CNTNAP2: variants seen among roughly 807,000 people sequenced by gnomAD.
The protein encoded by CNTNAP2 is contactin-associated protein-like 2.
Under a neutral mutation model 155.2 loss-of-function variants are expected in CNTNAP2, and 98 were observed. The observed-to-expected ratio is 0.63, with a 90% CI of 0.54 to 0.75. The LOEUF is 0.75. Among genes scored for constraint, CNTNAP2 ranks in the 30% least tolerant of loss-of-function variants. The probability of loss-of-function intolerance (pLI) is 0.00; values close to 1 mark genes in which losing one functional copy is unlikely to be tolerated. For missense variants in CNTNAP2, 1,727 were observed against 1,688.1 expected, an observed-to-expected ratio of 1.02 and a Z score of -0.40; for synonymous variants, 651 against 631.2, an observed-to-expected ratio of 1.03 and a Z score of -0.47.
chr7:147,425,988 G>A (rs1253380486), intron 10 of CNTNAP2, among the ~76,000 whole-genome samples: 1 of 152,038 alleles, frequency 6.6e-6, no homozygotes, highest in Admixed American at 6.6e-5. Flanking sequence ...AGGATATGTT[G>A]TATAGTTCTA....
intron 1 of CNTNAP2, among the ~76,000 whole-genome samples, chr7:146,332,492 T>C (rs1801203482): frequency 6.6e-6 from 1 of 152,192 alleles, no homozygotes; most frequent in South Asian, 2.1e-4. Flanking sequence ...CCAACTGTTA[T>C]TTTCATTGAA....
rs181447240 is a variant in CNTNAP2, at chr7:146,911,352, C to A, written c.402+71448C>A. 5.3e-5 allele frequency among the ~76,000 whole-genome samples: 8 copies of A among 152,192 alleles called. No individual in the cohort carries two copies. In the East Asian group the frequency reaches 1.5e-3, roughly 29 times the overall value. On this transcript the variant is annotated intron_variant, in intron 3 of 23. Transcript: ENST00000361727. The stretch of plus-strand genomic sequence containing the variant: ...AATCATGCTGCTATAAAGACACATG[C>A]ACACGTATGTTTATCGCGGCATTAT...
chr7:146,839,624 A>G, intron 2 of CNTNAP2, 87 bp from the exon 3 acceptor site: 1 of 1,437,852 alleles, frequency 7.0e-7, no homozygotes, highest in South Asian at 1.2e-5. Flanking sequence ...GCCAAGACCA[A>G]TTAAGATATG....
intron 14 of CNTNAP2, among the ~76,000 whole-genome samples, chr7:147,956,900 T>C (rs899457559): frequency 6.6e-6 from 1 of 152,040 alleles, no homozygotes; most frequent in African/African-American, 2.4e-5. Flanking sequence ...CTAAAGAAAG[T>C]GATAGGGTTG....
chr7:146,636,283 A>T lies in CNTNAP2; in HGVS notation c.98-137988A>T, dbSNP rs566440423. ...CATTTGTCAAAACTTATGGAACTGT[A>T]TGCTAATCACAGTGAATTTTATGGC... On this transcript the variant is annotated intron_variant, in intron 1 of 23. Coordinates refer to ENST00000361727, the MANE Select transcript of CNTNAP2 (RefSeq NM_014141.6). Among the ~76,000 whole-genome samples the T allele has an allele frequency of 5.3e-5, 8 of 152,226 alleles. No homozygotes were observed. The East Asian group carries it at 9.7e-4, about 18-fold the overall frequency.
chr7:147,421,497 C>T (rs1797289783), intron 10 of CNTNAP2, among the ~76,000 whole-genome samples: 1 of 151,108 alleles, frequency 6.6e-6, no homozygotes, highest in Admixed American at 6.6e-5. Flanking sequence ...TGTATTTATC[C>T]ACATTATCTA....
chr7:147,214,416 A>G (rs971608148), intron 8 of CNTNAP2, among the ~76,000 whole-genome samples: 16 of 152,222 alleles, frequency 1.1e-4, no homozygotes, highest in African/African-American at 3.9e-4. Context: ...TCCTTTGTAA[A>G]ATGGAGATAA....
At chr7:146,795,521 A>T (rs1486697731) in intron 2 of CNTNAP2, among the ~76,000 whole-genome samples, 1 of 152,216 alleles carries the variant, frequency 6.6e-6, no homozygotes, top group Non-Finnish European at 1.5e-5. Context: ...AATGTCATGG[A>T]ATGTAACCTT....
At chr7:147,501,164 A>G (rs189980948) in intron 11 of CNTNAP2, among the ~76,000 whole-genome samples, 20 of 152,072 alleles carry the variant, frequency 1.3e-4, no homozygotes, top group Admixed American at 7.9e-4. Flanking sequence ...CAGAAGAAGC[A>G]TTTGACAAAA....
rs143609414 is a variant in CNTNAP2, at chr7:148,296,545, CA to C, written c.3475+29442del. Among the ~76,000 whole-genome samples, 109 of 76,600 alleles carry C rather than the reference CA, an allele frequency of 1.4e-3. No individual in the cohort carries two copies. The East Asian group carries it at 0.032, about 22-fold the overall frequency. 50.3% of individuals were successfully genotyped at this position (76,600 alleles called of 152,430 possible). A position where few individuals can be genotyped will look rare whatever the true frequency, so the allele number is the denominator to read the frequency against. ...TGGGAAACAGAGCAAGACTCTGTCTCAAAAAAAAAAAAAAAAAAAAAAATTA... is the reference window on the plus strand; with the variant it reads ...TGGGAAACAGAGCAAGACTCTGTCTCAAAAAAAAAAAAAAAAAAAAAATTA... On this transcript the variant is annotated intron_variant, in intron 21 of 23. Coordinates refer to ENST00000361727, the MANE Select transcript of CNTNAP2 (RefSeq NM_014141.6).
chr7:148,312,050 A>G (rs1162242020), intron 21 of CNTNAP2, among the ~76,000 whole-genome samples: 1 of 152,162 alleles, frequency 6.6e-6, no homozygotes. Context: ...TAGATCTTGG[A>G]AGTTATGAGA....
chr7:148,200,203 T>C (rs1380700233), intron 18 of CNTNAP2, among the ~76,000 whole-genome samples: 3 of 152,208 alleles, frequency 2.0e-5, no homozygotes, highest in South Asian at 2.1e-4. Flanking sequence ...GCCAGCCACA[T>C]TGACACACGA....
chr7:146,299,518 G>C (rs970756912), intron 1 of CNTNAP2, among the ~76,000 whole-genome samples: 12 of 152,020 alleles, frequency 7.9e-5, no homozygotes. Flanking sequence ...GAATACCTAG[G>C]ACTAAAGGCA....
intron 15 of CNTNAP2, among the ~76,000 whole-genome samples, chr7:148,018,321 T>C (rs1400687537): frequency 6.6e-6 from 1 of 152,232 alleles, no homozygotes; most frequent in East Asian, 1.9e-4. Flanking sequence ...CATAATTTCT[T>C]AATTTCAGTT....
chr7:147,927,376 T>C (rs1800414223), intron 14 of CNTNAP2, among the ~76,000 whole-genome samples: 1 of 152,188 alleles, frequency 6.6e-6, no homozygotes, highest in Non-Finnish European at 1.5e-5. Flanking sequence ...TAAATAGGGT[T>C]CTTTTTAAAG....
intron 3 of CNTNAP2, among the ~76,000 whole-genome samples, chr7:146,882,798 T>C (rs1795579459): frequency 6.6e-6 from 1 of 152,006 alleles, no homozygotes; most frequent in South Asian, 2.1e-4. Flanking sequence ...GAGAACCAAA[T>C]CAAGAATGCG....
intron 21 of CNTNAP2, among the ~76,000 whole-genome samples, chr7:148,271,160 G>A (rs12534432): frequency 0.36 from 54,383 of 152,070 alleles, 11,463 homozygotes; most frequent in East Asian, 0.6. Context: ...TATGCTGTAA[G>A]TACAATACTG....
chr7:146,790,875 G>A (rs1289985607), intron 2 of CNTNAP2, among the ~76,000 whole-genome samples: 1 of 151,606 alleles, frequency 6.6e-6, no homozygotes, highest in Non-Finnish European at 1.5e-5. Flanking sequence ...GGCCGATTTG[G>A]TCAGTGATTT....
chr7:148,114,707 C>A (rs1168264692), intron 15 of CNTNAP2, among the ~76,000 whole-genome samples: 1 of 152,208 alleles, frequency 6.6e-6, no homozygotes, highest in Non-Finnish European at 1.5e-5. Context: ...GTACCACACT[C>A]ACTGAAAGCC....
Sources: allele counts gnomAD v4.1 joint callset (sites outside exome capture counted in the v4.1 genomes callset), GRCh38; gene constraint gnomAD v4.1.1; transcripts MANE v1.5; gene names NCBI Gene and HGNC (gene_info 2026-07-23, HGNC 2026-07-21).